Variants in BMPER observed in about 807,000 individuals in gnomAD.
BMPER encodes the protein BMP-binding endothelial regulator protein.
BMPER carries 45 observed loss-of-function variants against 87.3 expected under a neutral mutation model. The observed-to-expected ratio is 0.52, with a 90% CI of 0.41 to 0.66. The LOEUF (loss-of-function observed/expected upper bound fraction) is 0.66, where lower values mean the gene tolerates loss of function less well. Ranked by LOEUF, BMPER falls within the 30% of genes least tolerant of loss-of-function variation. The pLI is 0.00. For synonymous variants in BMPER, 326 were observed against 316.2 expected (o/e 1.03, Z -0.33); for missense variants, 784 against 867.5 (o/e 0.90, Z 1.21).
At chr7:34,130,532 C>T (rs1050974508) in intron 13 of BMPER, among the ~76,000 whole-genome samples, 17 of 152,162 alleles carry the variant, frequency 1.1e-4, no homozygotes, top group African/African-American at 4.1e-4. Context: ...CTGGACTTGA[C>T]TATATAAACA....
intron 13 of BMPER, among the ~76,000 whole-genome samples, chr7:34,115,129 G>A (rs1437719390): frequency 6.6e-5 from 10 of 152,218 alleles, no homozygotes; most frequent in Non-Finnish European, 1.5e-4. Flanking sequence ...CAAAGCTGAA[G>A]TAGATATCTT....
At chr7:34,145,548 G>A (rs940846078) in intron 14 of BMPER, among the ~76,000 whole-genome samples, 2 of 152,178 alleles carry the variant, frequency 1.3e-5, no homozygotes, top group Non-Finnish European at 2.9e-5. Flanking sequence ...GTGAGGGTGA[G>A]GTTTTTGAAG....
At chr7:34,029,200 G>A (rs189507023) in intron 6 of BMPER, among the ~76,000 whole-genome samples, 1 of 152,152 alleles carries the variant, frequency 6.6e-6, no homozygotes, top group African/African-American at 2.4e-5. Flanking sequence ...TTTGACTATA[G>A]ATATAAAATT....
At chr7:33,952,366 C>T (rs1785047226) in intron 3 of BMPER, among the ~76,000 whole-genome samples, 1 of 152,150 alleles carries the variant, frequency 6.6e-6, no homozygotes, top group East Asian at 1.9e-4. Flanking sequence ...AATAAAATCA[C>T]AGTGATGCTT....
At chr7:33,942,294 T>G (rs901637560) in intron 3 of BMPER, among the ~76,000 whole-genome samples, 6 of 152,170 alleles carry the variant, frequency 3.9e-5, no homozygotes, top group African/African-American at 1.2e-4. Flanking sequence ...ATCATCCTCT[T>G]CATCAAAACA....
chr7:33,939,620 C>T (rs564295176), intron 3 of BMPER, among the ~76,000 whole-genome samples: 9 of 152,228 alleles, frequency 5.9e-5, no homozygotes, highest in South Asian at 4.2e-4. Context: ...GGGTGGTTTC[C>T]GCTATGCTGT....
At chr7:33,933,150 T>G (rs879399961) in intron 2 of BMPER, among the ~76,000 whole-genome samples, 1 of 152,238 alleles carries the variant, frequency 6.6e-6, no homozygotes, top group Non-Finnish European at 1.5e-5. Flanking sequence ...CTTATAGAGC[T>G]TTGTTGCCAG....
chr7:33,960,629 G>A (rs1040851316), intron 3 of BMPER, among the ~76,000 whole-genome samples: 1 of 152,184 alleles, frequency 6.6e-6, no homozygotes, highest in Non-Finnish European at 1.5e-5. Flanking sequence ...GAATAAACCA[G>A]TAGTTAGGGA....
intron 3 of BMPER, among the ~76,000 whole-genome samples, chr7:33,945,243 CTTTTTTTTTTTTTTTT>C (rs376447828): frequency 1.2e-5 from 1 of 81,758 alleles, no homozygotes; most frequent in Non-Finnish European, 2.3e-5. Context: ...GCCTGGACTT[CTTTTTTTTTTTTTTTT>C]TTTTTTTTTG....
intron 12 of BMPER, among the ~76,000 whole-genome samples, chr7:34,081,312 T>C (rs1789040822): frequency 6.6e-6 from 1 of 151,982 alleles, no homozygotes; most frequent in South Asian, 2.1e-4. Flanking sequence ...TCCATAGATT[T>C]AAAAAAAAAT....
At chr7:33,990,223 T>G (rs373271039) in intron 6 of BMPER, among the ~76,000 whole-genome samples, 2 of 147,454 alleles carry the variant, frequency 1.4e-5, no homozygotes, top group Non-Finnish European at 3.0e-5. Context: ...GCCATTTTCA[T>G]GATATTGATT....
At chr7:33,993,126 G>T in intron 6 of BMPER, among the ~76,000 whole-genome samples, 3 of 121,686 alleles carry the variant, frequency 2.5e-5, no homozygotes, top group African/African-American at 9.7e-5. Context: ...GATTATCTTT[G>T]TGGCGTTCTC....
At chr7:34,146,907 C>G (rs995170927) in intron 14 of BMPER, among the ~76,000 whole-genome samples, 1 of 152,164 alleles carries the variant, frequency 6.6e-6, no homozygotes, top group African/African-American at 2.4e-5. Flanking sequence ...TTTGTTTGTT[C>G]CCTATCACTG....
intron 6 of BMPER, among the ~76,000 whole-genome samples, chr7:33,985,815 T>C (rs183643020): frequency 1.6e-4 from 24 of 152,288 alleles, no homozygotes; most frequent in African/African-American, 5.3e-4. Context: ...TATATGTGTA[T>C]GAAGGATCTT....
At position 34,040,956 on chromosome 7, in the gene BMPER, A is replaced by G. The variant is rs561302376; in HGVS notation, c.577-5350A>G. Among the ~76,000 whole-genome samples, 132 of 152,330 alleles carry G rather than the reference A, an allele frequency of 8.7e-4. 2 individuals carry two copies. In the South Asian group the frequency reaches 0.027, roughly 31 times the overall value. ...AAAATGTGGGCAATATATTTTATCT[A>G]AGCCATTTTGATAAAAAGCAGACAT... is the stretch of plus-strand genomic sequence containing the variant. On this transcript the variant is annotated intron_variant, in intron 6 of 14. Coordinates refer to ENST00000649409, the MANE Select transcript of BMPER (RefSeq NM_001365308.1).
chr7:34,150,310 G>A (rs932979984), intron 14 of BMPER, among the ~76,000 whole-genome samples: 2 of 152,160 alleles, frequency 1.3e-5, no homozygotes, highest in Non-Finnish European at 2.9e-5. Flanking sequence ...AATCTTGGCC[G>A]CTCATTAGAA....
At position 33,946,033 on chromosome 7, in the gene BMPER, C is replaced by T. The variant is rs150091544; in HGVS notation, c.319+8645C>T. Among the ~76,000 whole-genome samples, 1,298 of 152,152 alleles carry T rather than the reference C, an allele frequency of 8.5e-3. 20 individuals are homozygous for T. The highest frequency in any genetic ancestry group is 0.011 in the Non-Finnish European group (715 of 67,992). On this transcript the variant is annotated intron_variant, in intron 3 of 14. Coordinates refer to ENST00000649409, the MANE Select transcript of BMPER (RefSeq NM_001365308.1). Reference sequence around the variant, plus strand: ...TCCCACATTGCTATAAGGAAATACCCAAGACTGGGTAACTTATAAAGAAAA... The same window carrying T: ...TCCCACATTGCTATAAGGAAATACCTAAGACTGGGTAACTTATAAAGAAAA...
At chr7:34,057,716 G>GA (rs1357570209) in intron 9 of BMPER, among the ~76,000 whole-genome samples, 43 of 152,106 alleles carry the variant, frequency 2.8e-4, no homozygotes, top group Non-Finnish European at 6.0e-4. Context: ...TATCATGTAT[G>GA]AAAATTCATG....
chr7:33,991,086 T>A (rs1245052819), intron 6 of BMPER, among the ~76,000 whole-genome samples: 34 of 146,838 alleles, frequency 2.3e-4, no homozygotes. Context: ...TCTTTTTTGG[T>A]TGTGTCTCTG....
Sources: gnomAD v4.1 joint callset for allele counts (sites outside exome capture counted in the v4.1 genomes callset) on GRCh38, gnomAD v4.1.1 for gene constraint, MANE v1.5 for transcripts, NCBI Gene and HGNC (gene_info 2026-07-23, HGNC 2026-07-21) for gene names.